DIAPH2: variants seen among roughly 807,000 people sequenced by gnomAD.
DIAPH2 encodes the protein diaphanous related formin 2.
Under a neutral mutation model 92.7 loss-of-function variants are expected in DIAPH2, and 35 were observed. That is an observed-to-expected ratio of 0.38 (90% CI 0.29 to 0.50). DIAPH2 has a LOEUF of 0.50. DIAPH2 is among the 20% of genes least tolerant of loss of function. The pLI, the probability that DIAPH2 is intolerant of heterozygous loss-of-function variation, is 0.94. For missense variants in DIAPH2, 701 were observed against 819.5 expected, an observed-to-expected ratio of 0.86 and a Z score of 1.77; for synonymous variants, 301 against 280.4, an observed-to-expected ratio of 1.07 and a Z score of -0.73.
intron 26 of DIAPH2, among the ~76,000 whole-genome samples, chrX:97,515,223 T>C (rs2147840947): frequency 8.9e-6 from 1 of 112,653 alleles, no homozygotes; most frequent in Non-Finnish European, 1.9e-5. Context: ...TGCACCGTTT[T>C]TTAAGCCCGT....
At chrX:97,340,348 C>G (rs935111755) in intron 23 of DIAPH2, among the ~76,000 whole-genome samples, 5 of 111,281 alleles carry the variant, frequency 4.5e-5, no homozygotes, top group African/African-American at 1.6e-4. Flanking sequence ...GCTGCCTGGC[C>G]GAGTCACACC....
intron 17 of DIAPH2, among the ~76,000 whole-genome samples, chrX:96,967,330 A>G (rs956113830): frequency 2.7e-4 from 30 of 111,984 alleles, no homozygotes; most frequent in Middle Eastern, 4.6e-3. Flanking sequence ...GCTTAGGATA[A>G]TGGCCTCCAG....
intron 21 of DIAPH2, among the ~76,000 whole-genome samples, chrX:97,126,156 AAG>A (rs923224051): frequency 3.6e-5 from 4 of 112,005 alleles, no homozygotes; most frequent in Non-Finnish European, 7.5e-5. Flanking sequence ...TATAATTAGT[AAG>A]TCTGAAAACA....
intron 4 of DIAPH2, among the ~76,000 whole-genome samples, chrX:96,833,630 C>T (rs1284725650): frequency 9.0e-6 from 1 of 111,222 alleles, no homozygotes; most frequent in Admixed American, 9.6e-5. Context: ...TTTACTTACT[C>T]AGTCTCATGA....
chrX:96,724,508 T>C (rs1269625164), intron 1 of DIAPH2, among the ~76,000 whole-genome samples: 1 of 112,014 alleles, frequency 8.9e-6, no homozygotes, highest in Non-Finnish European at 1.9e-5. Flanking sequence ...AGATTTGACA[T>C]GGCTGGAGTC....
chrX:97,343,425 T>C (rs1031474725), intron 23 of DIAPH2, among the ~76,000 whole-genome samples: 1 of 111,831 alleles, frequency 8.9e-6, no homozygotes, highest in Non-Finnish European at 1.9e-5. Flanking sequence ...TCCCAGCACG[T>C]TGGGTGGCCC....
chrX:96,949,469 A>C (rs984327758), intron 15 of DIAPH2, among the ~76,000 whole-genome samples: 1 of 109,965 alleles, frequency 9.1e-6, no homozygotes, highest in African/African-American at 3.3e-5. Context: ...TATATACTTA[A>C]AATTTCAATT....
chrX:96,840,817 G>A (rs746210766), intron 4 of DIAPH2, among the ~76,000 whole-genome samples: 2 of 109,246 alleles, frequency 1.8e-5, no homozygotes, highest in East Asian at 5.8e-4. Context: ...GTTTCGCTGT[G>A]TTAGCCAGGA....
intron 10 of DIAPH2, among the ~76,000 whole-genome samples, chrX:96,933,867 C>T (rs867459761): frequency 5.5e-4 from 58 of 105,239 alleles, no homozygotes; most frequent in African/African-American, 1.6e-3. Flanking sequence ...CCGCCTGCCT[C>T]GGCCTCCCAA....
intron 4 of DIAPH2, among the ~76,000 whole-genome samples, chrX:96,809,249 A>T (rs1227476718): frequency 2.7e-5 from 3 of 109,947 alleles, no homozygotes; most frequent in Non-Finnish European, 5.7e-5. Context: ...ATTCCAAAAA[A>T]GTAATCTCCC....
intron 21 of DIAPH2, among the ~76,000 whole-genome samples, chrX:97,122,306 G>A (rs897164038): frequency 2.7e-5 from 3 of 111,705 alleles, no homozygotes; most frequent in African/African-American, 6.5e-5. Flanking sequence ...AAGCAGCAGA[G>A]CCTATATATT....
chrX:97,061,704 C>T (rs1485564028), intron 17 of DIAPH2, among the ~76,000 whole-genome samples: 4 of 105,996 alleles, frequency 3.8e-5, no homozygotes, highest in Non-Finnish European at 5.8e-5. Flanking sequence ...ATCCCAGCTA[C>T]TCAGGAGGCT....
At chrX:97,431,344 GGCCATAAAAGAACT>G (rs2070124848) in intron 26 of DIAPH2, 1 of 111,661 alleles carries the variant, frequency 9.0e-6, no homozygotes, top group East Asian at 2.8e-4. Flanking sequence ...TGTTATTCTG[GGCCATAAAAGAACT>G]GCCATAATTT....
chrX:96,780,341 C>G (rs764822702), intron 4 of DIAPH2, among the ~76,000 whole-genome samples: 5 of 111,745 alleles, frequency 4.5e-5, no homozygotes, highest in Admixed American at 9.5e-5. Flanking sequence ...AACTACTGAT[C>G]TTACAGAAAA....
At chrX:96,883,311 T>C (rs3138315) in intron 5 of DIAPH2, among the ~76,000 whole-genome samples, 3 of 111,301 alleles carry the variant, frequency 2.7e-5, no homozygotes, top group African/African-American at 9.8e-5. Flanking sequence ...TATCTTAGAG[T>C]ATGATAATCG....
chrX:96,960,492 GT>G lies in DIAPH2; in HGVS notation c.1935+2350del, dbSNP rs780004546. 3.4e-4 allele frequency among the ~76,000 whole-genome samples: 38 copies of G among 110,865 alleles called. No homozygotes were observed. The East Asian group carries it at 9.0e-3, about 26-fold the overall frequency. The stretch of plus-strand genomic sequence containing the variant: ...CTTACTGAATTTATTAATTATATGA[GT>G]TTTTTGTGGGGTGTTTAGGTATCTC... On this transcript the variant is annotated intron_variant, in intron 16 of 26. Transcript: ENST00000324765.
At chrX:97,029,146 CTT>C (rs34551722) in intron 17 of DIAPH2, among the ~76,000 whole-genome samples, 59 of 92,651 alleles carry the variant, frequency 6.4e-4, no homozygotes, top group East Asian at 2.7e-3. Flanking sequence ...TTTTCTTTTT[CTT>C]TTTTTTTTTT....
At chrX:96,971,931 A>G (rs2065930361) in intron 17 of DIAPH2, among the ~76,000 whole-genome samples, 1 of 112,037 alleles carries the variant, frequency 8.9e-6, no homozygotes, top group Admixed American at 9.5e-5. Context: ...TGTTACTGTA[A>G]CTGCTGAAGT....
At chrX:97,124,051 A>G (rs2067075338) in intron 21 of DIAPH2, among the ~76,000 whole-genome samples, 1 of 112,307 alleles carries the variant, frequency 8.9e-6, no homozygotes, top group African/African-American at 3.2e-5. Context: ...GATTTATATT[A>G]ATGTGGAGAT....
Sources: gnomAD v4.1 joint callset for allele counts (sites outside exome capture counted in the v4.1 genomes callset) on GRCh38, gnomAD v4.1.1 for gene constraint, MANE v1.5 for transcripts, NCBI Gene and HGNC (gene_info 2026-07-23, HGNC 2026-07-21) for gene names.